The following SBK1 variants were observed in gnomAD, a reference collection of about 807,000 sequenced individuals.
SBK1 encodes the protein serine/threonine-protein kinase SBK1.
In SBK1, 11 loss-of-function variants were observed where a neutral mutation model predicts 24.4. The ratio of observed to expected loss-of-function variants is 0.45; its 90% CI spans 0.28 to 0.75. The LOEUF (loss-of-function observed/expected upper bound fraction) is 0.75, where lower values mean the gene tolerates loss of function less well. SBK1 is among the 30% of genes least tolerant of loss of function. The pLI, the probability that SBK1 is intolerant of heterozygous loss-of-function variation, is 0.12. For missense variants in SBK1, 467 were observed against 620.5 expected (o/e 0.75, Z 2.63); for synonymous variants, 308 against 284.4 (o/e 1.08, Z -0.83).
In SBK1 at chr16:28,321,150, G is replaced by A. The variant is rs2044842505; in HGVS notation, c.*229G>A. On this transcript the variant is annotated 3_prime_UTR_variant, in exon 4 of 4. Coordinates refer to ENST00000341901, the MANE Select transcript of SBK1 (RefSeq NM_001024401.3). ...GGGCTTGGCCCAGAGGAGCCAAGCC[G>A]CACAGACCCGAGAATTCGGAGGCCA... The A allele has an allele frequency of 3.0e-6, 1 of 338,270 alleles. No individual in the cohort carries two copies. Among genetic ancestry groups the A allele is most frequent in the Non-Finnish European group, 5.3e-6 (1 of 187,428 alleles). 21.0% of individuals were successfully genotyped at this position (338,270 alleles called of 1,614,324 possible).
intron 1 of SBK1, among the ~76,000 whole-genome samples, chr16:28,284,411 C>A (rs1033320883): frequency 6.6e-6 from 1 of 152,238 alleles, no homozygotes; most frequent in Admixed American, 6.5e-5. Flanking sequence ...CCTGCTCCCC[C>A]AGCACACACC....
At chr16:28,278,714 C>T (rs571269451) in intron 1 of SBK1, among the ~76,000 whole-genome samples, 1 of 152,300 alleles carries the variant, frequency 6.6e-6, no homozygotes, top group South Asian at 2.1e-4. Context: ...GAGCCCCTGC[C>T]TCATACCAGG....
upstream of SBK1, among the ~76,000 whole-genome samples, chr16:28,289,490 G>A (rs1021359020): frequency 1.3e-5 from 2 of 152,242 alleles, no homozygotes; most frequent in African/African-American, 4.8e-5. Flanking sequence ...GTCAGGCCGG[G>A]TGAGGTGGTT....
intron 1 of SBK1, among the ~76,000 whole-genome samples, chr16:28,308,048 G>A (rs1472147064): frequency 2.0e-5 from 3 of 152,182 alleles, no homozygotes; most frequent in Non-Finnish European, 2.9e-5. Flanking sequence ...ACCTACTTCT[G>A]TAACTGGGTC....
chr16:28,273,976 C>G (rs1172750855), intron 1 of SBK1, among the ~76,000 whole-genome samples: 1 of 152,172 alleles, frequency 6.6e-6, no homozygotes, highest in Non-Finnish European at 1.5e-5. Flanking sequence ...AAAGTACTAT[C>G]TGACTCCAGT....
At chr16:28,261,428 TACACACACACACACACAC>T (rs35296302) in intron 1 of SBK1, among the ~76,000 whole-genome samples, 25 of 124,670 alleles carry the variant, frequency 2.0e-4, no homozygotes, top group Non-Finnish European at 3.5e-4. Flanking sequence ...GACTCCCGTC[TACACACACACACACACAC>T]ACACACACAC....
intron 1 of SBK1, among the ~76,000 whole-genome samples, chr16:28,313,418 G>A (rs2044768081): frequency 6.6e-6 from 1 of 151,976 alleles, no homozygotes; most frequent in African/African-American, 2.4e-5. Flanking sequence ...GCAACATGGT[G>A]AAACCCCATC....
chr16:28,284,364 G>T (rs1210236439), intron 1 of SBK1, among the ~76,000 whole-genome samples: 4 of 152,224 alleles, frequency 2.6e-5, no homozygotes, highest in Non-Finnish European at 5.9e-5. Context: ...CCAGCTCGGA[G>T]AATCCTGCCT....
Position 28,317,527 on chromosome 16 carries a change from G to A in SBK1, c.136G>A (p.Ala46Thr), listed in dbSNP as rs201820374. Residue 46 changes from alanine to threonine, a missense_variant, in exon 2 of 4, where the codon GCC becomes ACC. Physicochemically the swap from Ala to Thr is moderately conservative, Grantham distance 58. Around this residue, in one of 4 missense-constraint regions of SBK1, gnomAD observed 123 missense variants for 158.2 expected, o/e 0.78. Coordinates refer to ENST00000341901, the MANE Select transcript of SBK1 (RefSeq NM_001024401.3). This position sits in a 1 kb window ranked among gnomAD's most constrained non-coding sequence, Gnocchi z 4.2. Reference protein sequence around the residue: ...MQALTLRTLAASDVTKHYELV... With the variant: ...MQALTLRTLATSDVTKHYELV... Reference sequence around the variant, plus strand: ...GGCCCTGACTCTCCGCACACTGGCCGCCAGCGACGTCACCAAGCACTACGA... The same window carrying A: ...GGCCCTGACTCTCCGCACACTGGCCACCAGCGACGTCACCAAGCACTACGA... The A allele has an allele frequency of 5.6e-5, 91 of 1,614,168 alleles. No homozygotes were observed. The highest frequency in any genetic ancestry group is 3.6e-4 in the East Asian group (16 of 44,880).
chr16:28,290,823 A>G (rs1258755498), upstream of SBK1: 1 of 152,240 alleles, frequency 6.6e-6, no homozygotes, highest in East Asian at 1.9e-4. Flanking sequence ...GAGGTTGCCA[A>G]CCTATGGTCT....
intron 1 of SBK1, among the ~76,000 whole-genome samples, chr16:28,315,879 C>T (rs2044791681): frequency 6.6e-6 from 1 of 152,162 alleles, no homozygotes; most frequent in South Asian, 2.1e-4. Flanking sequence ...AGTTCTCCTA[C>T]CTCAGCCTCC....
At chr16:28,309,790 A>C (rs1487767940) in intron 1 of SBK1, among the ~76,000 whole-genome samples, 1 of 152,200 alleles carries the variant, frequency 6.6e-6, no homozygotes, top group African/African-American at 2.4e-5. Context: ...GTGAGGACTC[A>C]ATGAATGAAA....
chr16:28,305,691 C>T lies in SBK1; in HGVS notation c.-7-11694C>T, dbSNP rs541485218. 9.2e-5 allele frequency among the ~76,000 whole-genome samples: 14 copies of T among 152,178 alleles called. No individual in the cohort carries two copies. In the East Asian group the frequency reaches 1.4e-3, roughly 15 times the overall value. On this transcript the variant is annotated intron_variant, in intron 1 of 3. Coordinates refer to ENST00000341901, the MANE Select transcript of SBK1 (RefSeq NM_001024401.3). ...GGATTACAGGCGCCTGCCACCACAC[C>T]TGGCTACTTTTTGTATTTTAGTAGA...
At chr16:28,306,896 TA>T (rs1173944339) in intron 1 of SBK1, among the ~76,000 whole-genome samples, 6 of 152,194 alleles carry the variant, frequency 3.9e-5, no homozygotes, top group Non-Finnish European at 8.8e-5. Context: ...CTGTGCAAAG[TA>T]TCATTAGCCC....
intron 1 of SBK1, among the ~76,000 whole-genome samples, chr16:28,316,712 A>G (rs2044798928): frequency 6.6e-6 from 1 of 152,198 alleles, no homozygotes; most frequent in African/African-American, 2.4e-5. Flanking sequence ...ACTAAAAATT[A>G]AAATAAATAA....
At position 28,306,232 on chromosome 16, in the gene SBK1, C is replaced by T. The variant is rs187433971; in HGVS notation, c.-7-11153C>T. ...ACACAGCTGTGCCGCTGCTGTGGGCCGGCTTTTCCATCATGGGGGAAGGGG... is the reference window on the plus strand; with the variant it reads ...ACACAGCTGTGCCGCTGCTGTGGGCTGGCTTTTCCATCATGGGGGAAGGGG... On this transcript the variant is annotated intron_variant, in intron 1 of 3. Transcript: ENST00000341901. 4.6e-5 allele frequency among the ~76,000 whole-genome samples: 7 copies of T among 152,214 alleles called. No individual in the cohort carries two copies. The East Asian group carries it at 9.7e-4, about 21-fold the overall frequency.
chr16:28,278,305 G>A (rs1351278480), intron 1 of SBK1, among the ~76,000 whole-genome samples: 8 of 152,154 alleles, frequency 5.3e-5, no homozygotes, highest in Non-Finnish European at 1.2e-4. Flanking sequence ...GGGAAAGAGA[G>A]GAGGCAGCCA....
At chr16:28,297,646 G>A (rs1029246229) in intron 1 of SBK1, among the ~76,000 whole-genome samples, 2 of 152,184 alleles carry the variant, frequency 1.3e-5, no homozygotes, top group South Asian at 2.1e-4. Context: ...ATACTATCTT[G>A]TAGGATCATC....
Position 28,319,545 on chromosome 16 carries a change from C to T in SBK1, c.429+348C>T, listed in dbSNP as rs1393233468. On this transcript the variant is annotated intron_variant, in intron 3 of 3. Coordinates refer to ENST00000341901, the MANE Select transcript of SBK1 (RefSeq NM_001024401.3). This position sits in a 1 kb window ranked among gnomAD's most constrained non-coding sequence, Gnocchi z 4.0. Reference sequence around the variant, plus strand: ...CCCTCAGAGGAAGCGACCCTGGAACCGGGACGGTGGGGGAGGGTTCCAGGC... The same window carrying T: ...CCCTCAGAGGAAGCGACCCTGGAACTGGGACGGTGGGGGAGGGTTCCAGGC... Among the ~76,000 whole-genome samples the T allele has an allele frequency of 6.6e-6, 1 of 152,118 alleles. No individual in the cohort carries two copies. Among genetic ancestry groups the T allele is most frequent in the African/African-American group, 2.4e-5 (1 of 41,430 alleles).
Sources: allele counts gnomAD v4.1 joint callset (sites outside exome capture counted in the v4.1 genomes callset), GRCh38; gene constraint gnomAD v4.1.1; regional missense constraint gnomAD v4.1.1; non-coding constraint Gnocchi (gnomAD v3.1); transcripts MANE v1.5; gene names NCBI Gene and HGNC (gene_info 2026-07-23, HGNC 2026-07-21).